The following PARD3 variants were observed in gnomAD, a reference collection of about 807,000 sequenced individuals.
PARD3 encodes par-3 family cell polarity regulator.
In PARD3, 75 loss-of-function variants were observed where a neutral mutation model predicts 155.4. That is an observed-to-expected ratio of 0.48 (90% CI 0.40 to 0.58). PARD3 has a LOEUF of 0.58. Ranked by LOEUF, PARD3 falls within the 20% of genes least tolerant of loss-of-function variation. The probability of loss-of-function intolerance (pLI) is 0.00; values close to 1 mark genes in which losing one functional copy is unlikely to be tolerated. For missense variants in PARD3, 1,642 were observed against 1,721.7 expected, an observed-to-expected ratio of 0.95 and a Z score of 0.82; for synonymous variants, 576 against 610.5, an observed-to-expected ratio of 0.94 and a Z score of 0.83.
At chr10:34,519,251 A>T (rs995384645) in intron 2 of PARD3, among the ~76,000 whole-genome samples, 2 of 152,162 alleles carry the variant, frequency 1.3e-5, no homozygotes, top group Non-Finnish European at 2.9e-5. Context: ...TTCTAATGAG[A>T]TCTGATTAGT....
intron 20 of PARD3, among the ~76,000 whole-genome samples, chr10:34,306,973 G>A (rs559802479): frequency 9.2e-5 from 14 of 151,514 alleles, no homozygotes; most frequent in Non-Finnish European, 1.8e-4. Flanking sequence ...TGCAAGCTCC[G>A]CCTCCTGGGT....
intron 1 of PARD3, among the ~76,000 whole-genome samples, chr10:34,762,469 CTTTTTTT>C (rs72049773): frequency 1.0e-5 from 1 of 98,660 alleles, no homozygotes; most frequent in Non-Finnish European, 2.0e-5. Context: ...CCATGCCTGA[CTTTTTTT>C]TTTTTTTTTT....
chr10:34,605,177 G>C, intron 2 of PARD3, among the ~76,000 whole-genome samples: 1 of 117,714 alleles, frequency 8.5e-6, no homozygotes, highest in East Asian at 2.5e-4. Context: ...GCCCCAAAAT[G>C]AAATTTTTTT....
At chr10:34,566,440 C>A (rs543020306) in intron 2 of PARD3, among the ~76,000 whole-genome samples, 2 of 152,264 alleles carry the variant, frequency 1.3e-5, no homozygotes, top group South Asian at 4.1e-4. Flanking sequence ...TGCAAAGATA[C>A]CCTGGGGGAA....
At chr10:34,733,102 C>T (rs1347777789) in intron 1 of PARD3, among the ~76,000 whole-genome samples, 2 of 152,202 alleles carry the variant, frequency 1.3e-5, no homozygotes, top group Non-Finnish European at 2.9e-5. Flanking sequence ...ACAAGAAGCT[C>T]ACCTCTATCA....
chr10:34,683,322 C>G (rs2093881884), intron 2 of PARD3, among the ~76,000 whole-genome samples: 2 of 151,948 alleles, frequency 1.3e-5, no homozygotes, highest in African/African-American at 4.8e-5. Flanking sequence ...TTCACCGAGG[C>G]TCAAATCCCA....
At chr10:34,788,732 G>A (rs956942366) in intron 1 of PARD3, among the ~76,000 whole-genome samples, 1 of 152,122 alleles carries the variant, frequency 6.6e-6, no homozygotes, top group African/African-American at 2.4e-5. Flanking sequence ...GGAGAAGAGG[G>A]TATTACAGCT....
chr10:34,128,646 C>T (rs944174005), intron 23 of PARD3, among the ~76,000 whole-genome samples: 11 of 152,260 alleles, frequency 7.2e-5, no homozygotes, highest in Admixed American at 2.6e-4. Context: ...GGTAGTACTG[C>T]TTCTCCCATT....
chr10:34,786,787 A>G (rs1841010821), intron 1 of PARD3, among the ~76,000 whole-genome samples: 1 of 152,230 alleles, frequency 6.6e-6, no homozygotes, highest in Non-Finnish European at 1.5e-5. Context: ...AAACTGAAAA[A>G]TGAGTTTTAG....
At chr10:34,593,465 T>C (rs2088921314) in intron 2 of PARD3, among the ~76,000 whole-genome samples, 1 of 152,198 alleles carries the variant, frequency 6.6e-6, no homozygotes, top group Admixed American at 6.5e-5. Context: ...ATTTTTATGA[T>C]ATAGAATGTG....
chr10:34,770,841 T>C (rs1588677491), intron 1 of PARD3, among the ~76,000 whole-genome samples: 1 of 152,306 alleles, frequency 6.6e-6, no homozygotes, highest in East Asian at 1.9e-4. Context: ...TCAGTTTCCA[T>C]GACAGACCCG....
chr10:34,123,292 G>GT (rs1401100904), intron 23 of PARD3, among the ~76,000 whole-genome samples: 1 of 140,612 alleles, frequency 7.1e-6, no homozygotes, highest in East Asian at 1.9e-4. Context: ...TGAAAAATAT[G>GT]TATTTTTTTT....
At chr10:34,791,148 A>C (rs1004400800) in intron 1 of PARD3, among the ~76,000 whole-genome samples, 46 of 152,240 alleles carry the variant, frequency 3.0e-4, no homozygotes, top group African/African-American at 9.9e-4. Flanking sequence ...ACCTGGCTAG[A>C]CATAAACTAT....
chr10:34,743,366 A>G lies in PARD3; in HGVS notation c.121-46947T>C, dbSNP rs7897569. Among the ~76,000 whole-genome samples the G allele has an allele frequency of 9.0e-3, 1,378 of 152,324 alleles. 26 individuals are homozygous for G. Among genetic ancestry groups the G allele is most frequent in the African/African-American group, 0.031 (1,286 of 41,562 alleles). Reference sequence around the variant, plus strand: ...CACAGCTTTGTCATCTTGGGAGAGAAGGTGGTGGTACACCTTCAGATCAGT... The same window carrying G: ...CACAGCTTTGTCATCTTGGGAGAGAGGGTGGTGGTACACCTTCAGATCAGT... On this transcript the variant is annotated intron_variant, in intron 1 of 24. Coordinates refer to ENST00000374788, the MANE Select transcript of PARD3 (RefSeq NM_001184785.2).
intron 21 of PARD3, among the ~76,000 whole-genome samples, chr10:34,283,718 A>T (rs1956258920): frequency 6.6e-6 from 1 of 152,118 alleles, no homozygotes; most frequent in Non-Finnish European, 1.5e-5. Flanking sequence ...ATTATATTTA[A>T]AATGTGATAT....
chr10:34,384,389 T>G, intron 7 of PARD3, 135 bp from the exon 8 acceptor site: 2 of 842,214 alleles, frequency 2.4e-6, no homozygotes, highest in Non-Finnish European at 3.6e-6. Context: ...ATTCATACAT[T>G]TTTAAATGAC....
intron 20 of PARD3, among the ~76,000 whole-genome samples, chr10:34,301,422 G>A (rs2799452): frequency 0.51 from 77,882 of 151,870 alleles, 20,030 homozygotes; most frequent in Middle Eastern, 0.6. Context: ...TCTCTCTGCA[G>A]TGGCCTCTTC....
intron 2 of PARD3, among the ~76,000 whole-genome samples, chr10:34,694,386 A>G (rs1012842898): frequency 6.6e-6 from 1 of 151,878 alleles, no homozygotes; most frequent in Non-Finnish European, 1.5e-5. Context: ...GAGTTACCCT[A>G]AGCCTGGCTC....
At chr10:34,287,937 G>A (rs988539174) in intron 20 of PARD3, among the ~76,000 whole-genome samples, 8 of 152,158 alleles carry the variant, frequency 5.3e-5, no homozygotes, top group Non-Finnish European at 4.4e-5. Context: ...TTGGCCAGGT[G>A]CAGTGGCTCA....
Sources: gnomAD v4.1 joint callset for allele counts (sites outside exome capture counted in the v4.1 genomes callset) on GRCh38, gnomAD v4.1.1 for gene constraint, MANE v1.5 for transcripts, NCBI Gene and HGNC (gene_info 2026-07-23, HGNC 2026-07-21) for gene names.